Variants in ATG7 observed in about 807,000 individuals in gnomAD.
ATG7 encodes the protein ubiquitin-like modifier-activating enzyme ATG7.
ATG7 carries 70 observed loss-of-function variants against 82.4 expected under a neutral mutation model. The observed-to-expected ratio is 0.85, with a 90% CI of 0.70 to 1.04. ATG7 has a LOEUF of 1.04. Ranked by LOEUF, ATG7 falls within the 50% of genes least tolerant of loss-of-function variation. The pLI, the probability that ATG7 is intolerant of heterozygous loss-of-function variation, is 0.00. For missense variants in ATG7, 792 were observed against 864.3 expected (o/e 0.92, Z 1.05); for synonymous variants, 287 against 313.0 (o/e 0.92, Z 0.88).
intron 20 of ATG7, among the ~76,000 whole-genome samples, chr3:11,460,575 T>C (rs2086209190): frequency 6.6e-6 from 1 of 152,096 alleles, no homozygotes; most frequent in Non-Finnish European, 1.5e-5. Flanking sequence ...TCCCTCAGAG[T>C]ACTTCCCATT....
chr3:11,568,540 GA>G, the ATG7 span: 1 of 1,549,218 alleles, frequency 6.5e-7, no homozygotes, highest in Non-Finnish European at 8.7e-7. The surrounding 1 kb of genome is among the most constrained non-coding windows in gnomAD (Gnocchi z 5.9). Flanking sequence ...CAAAGACACT[GA>G]AAACAGCGAG....
intron 20 of ATG7, among the ~76,000 whole-genome samples, chr3:11,543,950 C>G (rs565839600): frequency 6.6e-6 from 1 of 152,220 alleles, no homozygotes; most frequent in Non-Finnish European, 1.5e-5. Context: ...TCAAGGGCAC[C>G]CAAGTCCCTA....
chr3:11,509,394 GTT>G (rs76027522), intron 20 of ATG7, among the ~76,000 whole-genome samples: 3 of 143,496 alleles, frequency 2.1e-5, no homozygotes, highest in Non-Finnish European at 1.5e-5. Flanking sequence ...TTTCAGTGTG[GTT>G]TTTTTTTTTT....
intron 20 of ATG7, among the ~76,000 whole-genome samples, chr3:11,465,567 AC>A (rs2086748072): frequency 6.6e-6 from 1 of 151,736 alleles, no homozygotes; most frequent in African/African-American, 2.4e-5. Context: ...CGTGAGTGAA[AC>A]CCCATGTCTA....
chr3:11,561,318 G>C (rs1244691557), downstream of ATG7, among the ~76,000 whole-genome samples: 3 of 152,018 alleles, frequency 2.0e-5, no homozygotes, highest in Non-Finnish European at 4.4e-5. Flanking sequence ...AGGCAGGAAA[G>C]GCCACTTCAG....
chr3:11,442,852 T>G (rs1559634517), intron 20 of ATG7, among the ~76,000 whole-genome samples: 1 of 151,206 alleles, frequency 6.6e-6, no homozygotes, highest in Non-Finnish European at 1.5e-5. Flanking sequence ...GCCCAGGAGT[T>G]CGAGGCTGCA....
intron 20 of ATG7, among the ~76,000 whole-genome samples, chr3:11,478,452 C>T (rs965320980): frequency 6.6e-6 from 1 of 152,168 alleles, no homozygotes; most frequent in African/African-American, 2.4e-5. Context: ...ATTAAAGATG[C>T]CTGCTATGAT....
downstream of ATG7, chr3:11,558,605 G>A: frequency 1.2e-6 from 2 of 1,606,278 alleles, no homozygotes; most frequent in South Asian, 1.1e-5. Flanking sequence ...GTGGGCAGAG[G>A]GGCTGGCGGG....
chr3:11,357,113 G>A (rs1447905933), intron 14 of ATG7, among the ~76,000 whole-genome samples: 2 of 152,176 alleles, frequency 1.3e-5, no homozygotes, highest in Non-Finnish European at 2.9e-5. Context: ...TATTTTTCCA[G>A]TAGGTGAGGG....
chr3:11,553,538 C>T (rs2072042289), intron 20 of ATG7, among the ~76,000 whole-genome samples: 1 of 152,238 alleles, frequency 6.6e-6, no homozygotes, highest in Admixed American at 6.5e-5. Context: ...CCCTGCACTG[C>T]TCAGTCCCAC....
At chr3:11,327,606 A>G (rs530730150) in intron 9 of ATG7, among the ~76,000 whole-genome samples, 25 of 152,340 alleles carry the variant, frequency 1.6e-4, no homozygotes, top group African/African-American at 5.8e-4. Context: ...GAAGTTTGTA[A>G]CTTGCACATT....
intron 20 of ATG7, among the ~76,000 whole-genome samples, chr3:11,480,441 G>A (rs1176070677): frequency 1.3e-5 from 2 of 152,164 alleles, no homozygotes; most frequent in Non-Finnish European, 2.9e-5. Context: ...GGAGGCTGAG[G>A]TGGGAGGATT....
chr3:11,562,344 G>A (rs1229220248), downstream of ATG7, among the ~76,000 whole-genome samples: 1 of 152,100 alleles, frequency 6.6e-6, no homozygotes, highest in East Asian at 1.9e-4. Flanking sequence ...TGCCCCTCTG[G>A]GAACTTTCCT....
chr3:11,521,560 T>G (rs1314117842), intron 20 of ATG7, among the ~76,000 whole-genome samples: 8 of 149,662 alleles, frequency 5.3e-5, no homozygotes, highest in Middle Eastern at 7.1e-3. Flanking sequence ...TTTTTTTGTT[T>G]TTTTTTTTTT....
At chr3:11,568,599 A>G in the ATG7 span, 2 of 1,566,054 alleles carry the variant, frequency 1.3e-6, no homozygotes, top group Middle Eastern at 1.7e-4. This position sits in a 1 kb window ranked among gnomAD's most constrained non-coding sequence, Gnocchi z 5.9. Context: ...ATTATACATT[A>G]CTCACATTTC....
chr3:11,313,490 C>A, intron 8 of ATG7, 70 bp downstream of exon 8: 3 of 1,101,684 alleles, frequency 2.7e-6, no homozygotes, highest in Non-Finnish European at 4.0e-6. Context: ...TAGTTCTTTC[C>A]AAAGACAAAC....
intron 5 of ATG7, among the ~76,000 whole-genome samples, chr3:11,304,982 C>G (rs1330115047): frequency 6.6e-6 from 1 of 152,118 alleles, no homozygotes; most frequent in Non-Finnish European, 1.5e-5. Flanking sequence ...AAAAAAGACA[C>G]CCTTAGCAAT....
chr3:11,527,171 C>T (rs965345667), intron 20 of ATG7, among the ~76,000 whole-genome samples: 3 of 151,742 alleles, frequency 2.0e-5, no homozygotes, highest in African/African-American at 7.3e-5. Context: ...GTAGCACGCT[C>T]TCGGCTCACT....
At chr3:11,552,316 T>C (rs1234401909) in intron 20 of ATG7, among the ~76,000 whole-genome samples, 4 of 152,208 alleles carry the variant, frequency 2.6e-5, no homozygotes, top group African/African-American at 9.7e-5. Context: ...ATACTTCTCT[T>C]GTGGCAGTGT....
Sources: gnomAD v4.1 joint callset for allele counts (sites outside exome capture counted in the v4.1 genomes callset) on GRCh38, gnomAD v4.1.1 for gene constraint, Gnocchi (gnomAD v3.1) non-coding constraint, MANE v1.5 for transcripts, NCBI Gene and HGNC (gene_info 2026-07-23, HGNC 2026-07-21) for gene names.